Variants in UBTD2 observed in about 807,000 individuals in gnomAD.
The protein encoded by UBTD2 is ubiquitin domain-containing protein 2.
In UBTD2, 9 loss-of-function variants were observed where a neutral mutation model predicts 19.8. The ratio of observed to expected loss-of-function variants is 0.46; its 90% CI spans 0.27 to 0.79. The LOEUF is 0.79. Ranked by LOEUF, UBTD2 falls within the 30% of genes least tolerant of loss-of-function variation. The probability of loss-of-function intolerance (pLI) is 0.14; values close to 1 mark genes in which losing one functional copy is unlikely to be tolerated. For missense variants in UBTD2, 250 were observed against 300.4 expected, an observed-to-expected ratio of 0.83 and a Z score of 1.24; for synonymous variants, 98 against 103.9, an observed-to-expected ratio of 0.94 and a Z score of 0.35.
chr5:172,279,892 A>C (rs980488683), intron 1 of UBTD2, among the ~76,000 whole-genome samples: 3 of 152,224 alleles, frequency 2.0e-5, no homozygotes, highest in Admixed American at 2.0e-4. Context: ...ACGTGAAGTC[A>C]GGAGTTCAAG....
chr5:172,278,521 A>G (rs568961471), intron 1 of UBTD2, among the ~76,000 whole-genome samples: 1,131 of 70,992 alleles, frequency 0.016, 12 homozygotes, highest in African/African-American at 0.05. Flanking sequence ...GCCTCAGGGG[A>G]AAAAAAAAAA....
intron 1 of UBTD2, among the ~76,000 whole-genome samples, chr5:172,280,280 G>A (rs1269901476): frequency 2.6e-5 from 4 of 151,716 alleles, no homozygotes; most frequent in African/African-American, 7.3e-5. Context: ...GCACAGGTGG[G>A]CGGATTACTT....
chr5:172,220,050 T>C (rs561653360), intron 2 of UBTD2, among the ~76,000 whole-genome samples: 1 of 151,424 alleles, frequency 6.6e-6, no homozygotes, highest in Non-Finnish European at 1.5e-5. Flanking sequence ...TACAGACCAG[T>C]ATCTCTCATG....
At chr5:172,255,206 T>C in intron 1 of UBTD2, 1 of 442,172 alleles carries the variant, frequency 2.3e-6, no homozygotes, top group East Asian at 5.2e-5. Flanking sequence ...GGGTGCAAAT[T>C]CCCAGCAGAA....
intron 1 of UBTD2, among the ~76,000 whole-genome samples, chr5:172,241,400 ACT>A (rs1409821228): frequency 3.4e-5 from 5 of 147,574 alleles, no homozygotes; most frequent in East Asian, 2.0e-4. Context: ...CAAGAATGAA[ACT>A]CTGTCTCAAT....
intron 1 of UBTD2, among the ~76,000 whole-genome samples, chr5:172,238,601 A>G (rs1772058063): frequency 1.3e-5 from 2 of 152,194 alleles, no homozygotes. Flanking sequence ...AAACAGATCT[A>G]ACACACAGAA....
At chr5:172,278,328 G>A (rs1755647211) in intron 1 of UBTD2, among the ~76,000 whole-genome samples, 1 of 151,996 alleles carries the variant, frequency 6.6e-6, no homozygotes, top group Non-Finnish European at 1.5e-5. Context: ...GACCAGCCTG[G>A]CCAACATGGT....
chr5:172,254,386 T>G (rs943948280), intron 1 of UBTD2: 8 of 315,354 alleles, frequency 2.5e-5, no homozygotes, highest in African/African-American at 4.5e-5. Flanking sequence ...CGTGAGCCAC[T>G]GCGCCCGGCC....
At chr5:172,275,744 A>AC (rs1755594344) in intron 1 of UBTD2, among the ~76,000 whole-genome samples, 10 of 152,144 alleles carry the variant, frequency 6.6e-5, no homozygotes, top group Admixed American at 6.6e-4. Context: ...AAATTTCCGT[A>AC]CCACACTACA....
chr5:172,273,768 G>A (rs1755550291), intron 1 of UBTD2, among the ~76,000 whole-genome samples: 1 of 152,046 alleles, frequency 6.6e-6, no homozygotes, highest in Non-Finnish European at 1.5e-5. Context: ...TTTTCCCAAA[G>A]AGGATTCAGC....
intron 1 of UBTD2, among the ~76,000 whole-genome samples, chr5:172,282,109 TTTAA>T (rs1561870706): frequency 6.6e-6 from 1 of 152,098 alleles, no homozygotes; most frequent in African/African-American, 2.4e-5. Flanking sequence ...GTGAAAAAAA[TTTAA>T]TTAAAACTAA....
chr5:172,251,010 G>C (rs1754994942), intron 1 of UBTD2, among the ~76,000 whole-genome samples: 2 of 149,640 alleles, frequency 1.3e-5, no homozygotes, highest in Non-Finnish European at 3.0e-5. Context: ...TAAAGTCCTT[G>C]TTCTTAGAAA....
rs148900260 is a variant in UBTD2 at position 172,210,094 on chromosome 5, T to C, written c.*1736A>G. The C allele has an allele frequency of 1.9e-4, 29 of 152,340 alleles. No individual in the cohort carries two copies. Among genetic ancestry groups the C allele is most frequent in the South Asian group, 1.2e-3 (6 of 4,832 alleles). 9.4% of individuals were successfully genotyped at this position (152,340 alleles called of 1,614,324 possible). On this transcript the variant is annotated 3_prime_UTR_variant, in exon 3 of 3. Coordinates refer to ENST00000393792, the MANE Select transcript of UBTD2 (RefSeq NM_152277.3). ...TAAAAAAAATCTCCTTTGGGATTAA[T>C]GCTGTGGTCTTCACTTGAATTTAGA...
At chr5:172,273,590 C>CAAAAA (rs35687001) in intron 1 of UBTD2, among the ~76,000 whole-genome samples, 19 of 36,412 alleles carry the variant, frequency 5.2e-4, no homozygotes, top group African/African-American at 1.4e-3. Flanking sequence ...GACTCCGTCT[C>CAAAAA]AAAAAAAAAA....
chr5:172,244,702 G>A (rs1049297253), intron 1 of UBTD2, among the ~76,000 whole-genome samples: 2 of 152,006 alleles, frequency 1.3e-5, no homozygotes, highest in African/African-American at 2.4e-5. Context: ...AAAAACCTGC[G>A]AAGTGAGGGA....
intron 2 of UBTD2, among the ~76,000 whole-genome samples, chr5:172,233,777 A>G (rs1037064712): frequency 1.3e-4 from 18 of 138,636 alleles, no homozygotes; most frequent in Non-Finnish European, 2.8e-4. Context: ...TGGAAGCTCC[A>G]ATAGATTGGC....
chr5:172,221,003 C>T (rs1413327641), intron 2 of UBTD2, among the ~76,000 whole-genome samples: 1 of 152,170 alleles, frequency 6.6e-6, no homozygotes, highest in Non-Finnish European at 1.5e-5. Flanking sequence ...AAATTTAAAA[C>T]ACAATTTACA....
intron 1 of UBTD2, among the ~76,000 whole-genome samples, chr5:172,238,241 AATC>A (rs1467655196): frequency 6.6e-6 from 1 of 152,206 alleles, no homozygotes; most frequent in Non-Finnish European, 1.5e-5. Context: ...GATGCTTGGT[AATC>A]ATACATAGCA....
intron 2 of UBTD2, among the ~76,000 whole-genome samples, chr5:172,224,600 T>C (rs1225930187): frequency 6.6e-6 from 1 of 152,208 alleles, no homozygotes; most frequent in East Asian, 1.9e-4. Flanking sequence ...CAAGATCTGA[T>C]GGTTTTATAA....
Sources: gnomAD v4.1 joint callset for allele counts (sites outside exome capture counted in the v4.1 genomes callset) on GRCh38, gnomAD v4.1.1 for gene constraint, MANE v1.5 for transcripts, NCBI Gene and HGNC (gene_info 2026-07-23, HGNC 2026-07-21) for gene names.